The following TDRD3 variants were observed in gnomAD, a reference collection of about 807,000 sequenced individuals.
TDRD3 encodes tudor domain-containing protein 3.
In TDRD3, 45 loss-of-function variants were observed where a neutral mutation model predicts 86.7. The ratio of observed to expected loss-of-function variants is 0.52; its 90% CI spans 0.41 to 0.67. TDRD3 has a LOEUF of 0.67. TDRD3 is among the 30% of genes least tolerant of loss of function. The pLI is 0.00. For missense variants in TDRD3, 814 were observed against 889.0 expected (o/e 0.92, Z 1.07); for synonymous variants, 298 against 301.7 (o/e 0.99, Z 0.13).
Position 60,513,030 on chromosome 13 carries a change from G to A in TDRD3, c.1141+2275G>A, listed in dbSNP as rs183139981. Among the ~76,000 whole-genome samples the A allele has an allele frequency of 4.9e-3, 740 of 152,332 alleles. 3 individuals are homozygous for A. Among genetic ancestry groups the A allele is most frequent in the South Asian group, 0.011 (51 of 4,832 alleles). On this transcript the variant is annotated intron_variant, in intron 10 of 13. Transcript: ENST00000377881. ...TCTCTTTGAAGGGCCCGCCCCTGCA[G>A]CAAACTTCTGCCTTGGCATTCAGGC...
upstream of TDRD3, among the ~76,000 whole-genome samples, chr13:60,396,236 G>A (rs1407588764): frequency 1.3e-5 from 2 of 152,212 alleles, no homozygotes; most frequent in Non-Finnish European, 2.9e-5. Flanking sequence ...TGACCTGGCA[G>A]ATGGGGACGC....
intron 4 of TDRD3, among the ~76,000 whole-genome samples, chr13:60,461,947 G>A (rs762393224): frequency 2.0e-5 from 3 of 152,160 alleles, no homozygotes; most frequent in South Asian, 2.1e-4. Flanking sequence ...GTGGGTATGC[G>A]AGAGGAAATG....
At chr13:60,441,247 A>G (rs990605694) in intron 2 of TDRD3, among the ~76,000 whole-genome samples, 18 of 152,122 alleles carry the variant, frequency 1.2e-4, no homozygotes, top group Admixed American at 3.9e-4. Flanking sequence ...CTTTCTACAG[A>G]TTCTAGGAAA....
At chr13:60,474,567 A>G (rs987784938) in intron 5 of TDRD3, among the ~76,000 whole-genome samples, 4 of 152,158 alleles carry the variant, frequency 2.6e-5, no homozygotes, top group African/African-American at 7.2e-5. Flanking sequence ...CTTTCTTTCT[A>G]CCTTCAATAA....
At chr13:60,526,899 A>G (rs1395894892) in intron 10 of TDRD3, among the ~76,000 whole-genome samples, 1 of 151,840 alleles carries the variant, frequency 6.6e-6, no homozygotes, top group Non-Finnish European at 1.5e-5. Flanking sequence ...CAGTGGCACA[A>G]TCTCGTCTCA....
intron 1 of TDRD3, among the ~76,000 whole-genome samples, chr13:60,438,946 TG>T (rs1320203891): frequency 6.6e-6 from 1 of 152,136 alleles, no homozygotes; most frequent in Non-Finnish European, 1.5e-5. Flanking sequence ...ATTTTAGAAT[TG>T]TTGAGTTTAT....
chr13:60,407,647 C>G lies in TDRD3; in HGVS notation c.41+10242C>G, dbSNP rs144638580. On this transcript the variant is annotated intron_variant, in intron 1 of 13. Transcript: ENST00000377881. ...AATATGTTGATAACATTTCTTTGCCCGAGACAACCAGCTGTCTCTTTAGGG... is the reference window on the plus strand; with the variant it reads ...AATATGTTGATAACATTTCTTTGCCGGAGACAACCAGCTGTCTCTTTAGGG... Among the ~76,000 whole-genome samples, 14 of 152,092 alleles carry G rather than the reference C, an allele frequency of 9.2e-5. No homozygotes were observed. In the East Asian group the frequency reaches 9.7e-4, roughly 10 times the overall value.
At chr13:60,566,286 T>C (rs1476604068) in intron 12 of TDRD3, among the ~76,000 whole-genome samples, 1 of 152,008 alleles carries the variant, frequency 6.6e-6, no homozygotes, top group Non-Finnish European at 1.5e-5. Context: ...TAAGACTACT[T>C]TGCAGGATGT....
intron 1 of TDRD3, among the ~76,000 whole-genome samples, chr13:60,401,312 A>G (rs1487917156): frequency 6.6e-6 from 1 of 152,238 alleles, no homozygotes; most frequent in Non-Finnish European, 1.5e-5. Context: ...AATTTTACAT[A>G]GCATTTACAC....
intron 2 of TDRD3, among the ~76,000 whole-genome samples, chr13:60,443,782 C>A (rs1231727628): frequency 6.6e-6 from 1 of 151,794 alleles, no homozygotes; most frequent in Non-Finnish European, 1.5e-5. Context: ...TGATGAAGAG[C>A]TACTGTTTAC....
At chr13:60,487,964 TTTAAC>T (rs1395108050) in intron 7 of TDRD3, among the ~76,000 whole-genome samples, 1 of 152,178 alleles carries the variant, frequency 6.6e-6, no homozygotes, top group East Asian at 1.9e-4. Context: ...TTATAGCAGT[TTTAAC>T]TGGGTTGAAA....
At chr13:60,505,067 G>A (rs567344560) in intron 8 of TDRD3, among the ~76,000 whole-genome samples, 3 of 152,174 alleles carry the variant, frequency 2.0e-5, no homozygotes, top group East Asian at 1.9e-4. Flanking sequence ...CCCCAGTGAC[G>A]CCTGGAATGC....
intron 1 of TDRD3, among the ~76,000 whole-genome samples, chr13:60,406,743 T>C (rs1307102475): frequency 1.3e-5 from 2 of 152,218 alleles, no homozygotes; most frequent in African/African-American, 4.8e-5. Flanking sequence ...ACTGTTAGTT[T>C]ATTGACTTGC....
At chr13:60,570,212 GA>G (rs1206059582) in intron 13 of TDRD3, among the ~76,000 whole-genome samples, 5 of 151,400 alleles carry the variant, frequency 3.3e-5, no homozygotes, top group Non-Finnish European at 5.9e-5. Context: ...AACAACTCAA[GA>G]AAAAAAATAA....
chr13:60,424,530 ATCT>A (rs1222682492), intron 1 of TDRD3, among the ~76,000 whole-genome samples: 1 of 151,872 alleles, frequency 6.6e-6, no homozygotes, highest in Non-Finnish European at 1.5e-5. Context: ...TACAAAAATT[ATCT>A]GGGCATAGTG....
chr13:60,560,599 G>A (rs905182294), intron 12 of TDRD3, among the ~76,000 whole-genome samples: 1 of 151,966 alleles, frequency 6.6e-6, no homozygotes, highest in African/African-American at 2.4e-5. Context: ...TACTGTATTT[G>A]CTTCTAGTGT....
chr13:60,465,846 C>T (rs1455626222), intron 4 of TDRD3, among the ~76,000 whole-genome samples: 1 of 152,050 alleles, frequency 6.6e-6, no homozygotes, highest in Non-Finnish European at 1.5e-5. Context: ...TAAGTATTTA[C>T]CTTAGAAGTA....
intron 1 of TDRD3, chr13:60,433,909 C>G (rs921723230): frequency 6.6e-6 from 1 of 152,082 alleles, no homozygotes; most frequent in Non-Finnish European, 1.5e-5. Context: ...GAAAATTGGC[C>G]CTCTTCTTTC....
intron 12 of TDRD3, chr13:60,547,457 C>T (rs1957962359): frequency 1.0e-6 from 1 of 970,574 alleles, no homozygotes; most frequent in African/African-American, 1.8e-5. Flanking sequence ...GGGTTCGAGT[C>T]CTGGCTCTGC....
Sources: gnomAD v4.1 joint callset for allele counts (sites outside exome capture counted in the v4.1 genomes callset) on GRCh38, gnomAD v4.1.1 for gene constraint, MANE v1.5 for transcripts, NCBI Gene and HGNC (gene_info 2026-07-23, HGNC 2026-07-21) for gene names.